SOS2: variants seen among roughly 807,000 people sequenced by gnomAD.
SOS2 encodes the protein son of sevenless homolog 2.
SOS2 carries 65 observed loss-of-function variants against 148.2 expected under a neutral mutation model. The ratio of observed to expected loss-of-function variants is 0.44; its 90% CI spans 0.36 to 0.54. The LOEUF (loss-of-function observed/expected upper bound fraction) is 0.54. Among genes scored for constraint, SOS2 ranks in the 20% least tolerant of loss-of-function variants. SOS2 has a pLI of 0.00. For synonymous variants in SOS2, 539 were observed against 537.1 expected (o/e 1.00, Z -0.05); for missense variants, 1,341 against 1,590.2 (o/e 0.84, Z 2.67).
intron 4 of SOS2, among the ~76,000 whole-genome samples, chr14:50,192,524 C>T (rs892931126): frequency 6.6e-6 from 1 of 152,040 alleles, no homozygotes; most frequent in Non-Finnish European, 1.5e-5. Flanking sequence ...CCACTACACT[C>T]CAGCCTGGGC....
intron 7 of SOS2, among the ~76,000 whole-genome samples, chr14:50,175,309 T>TGAC (rs1299641403): frequency 6.6e-6 from 1 of 151,866 alleles, no homozygotes; most frequent in African/African-American, 2.4e-5. Context: ...CAGATAGATA[T>TGAC]GACATAACAT....
chr14:50,185,710 A>G (rs1185019638), intron 5 of SOS2, among the ~76,000 whole-genome samples: 1 of 150,568 alleles, frequency 6.6e-6, no homozygotes, highest in African/African-American at 2.4e-5. Flanking sequence ...AAAAAAAAAG[A>G]TTAGAGAGGA....
rs150538510 is a variant in SOS2 at position 50,211,749 on chromosome 14, T to C, written c.88-7340A>G. 1.5e-3 allele frequency among the ~76,000 whole-genome samples: 229 copies of C among 152,226 alleles called. 1 individual carries two copies. The highest frequency in any genetic ancestry group is 5.0e-3 in the African/African-American group (209 of 41,546). On this transcript the variant is annotated intron_variant, in intron 1 of 22. Coordinates refer to ENST00000216373, the MANE Select transcript of SOS2 (RefSeq NM_006939.4). ...CTGGGATTACAGGCATGAGCCACCA[T>C]GCCCAGCCTAGGAGGGAAAATTTTA...
Position 50,130,731 on chromosome 14 carries a change from G to C in SOS2, c.3107C>G (p.Pro1036Arg), listed in dbSNP as rs1306516343. 1.2e-6 allele frequency: 2 copies of C among 1,606,032 alleles called. No homozygotes were observed. Among genetic ancestry groups the C allele is most frequent in the Non-Finnish European group, 1.7e-6 (2 of 1,176,908 alleles). Residue 1036 changes from proline (P) to arginine (R), a missense_variant, in exon 20 of 23, where the codon CCT becomes CGT. Pro to Arg is a moderately radical substitution (Grantham distance 103, BLOSUM62 -2). Coordinates refer to ENST00000216373, the MANE Select transcript of SOS2 (RefSeq NM_006939.4). ...PRKSTFSLKS[P>R]GIRPNTGRHG... ...TCGGCCTGTGTTAGGCCTTATTCCA[G>C]GAGATTTTAAGGAAAAAGTTGATTT...
intron 18 of SOS2, among the ~76,000 whole-genome samples, chr14:50,137,445 A>G (rs1167759339): frequency 6.6e-6 from 1 of 152,196 alleles, no homozygotes; most frequent in Non-Finnish European, 1.5e-5. Flanking sequence ...CTACTTTGTC[A>G]TTCACTTTTT....
At chr14:50,178,691 T>G (rs1376977015) in intron 7 of SOS2, among the ~76,000 whole-genome samples, 1 of 29,798 alleles carries the variant, frequency 3.4e-5, no homozygotes, top group African/African-American at 1.1e-4. Context: ...TATATATATA[T>G]ATATATATAT....
chr14:50,138,764 G>T lies in SOS2; in HGVS notation c.2806C>A (p.Leu936Met), dbSNP rs1594964980. The T allele has an allele frequency of 3.2e-6, 3 of 942,584 alleles. No individual in the cohort carries two copies. The highest frequency in any genetic ancestry group is 4.8e-6 in the Non-Finnish European group (3 of 630,424). 58.4% of individuals were successfully genotyped at this position (942,584 alleles called of 1,614,324 possible). A position where few individuals can be genotyped will look rare whatever the true frequency, so the allele number is the denominator to read the frequency against. ...PFFGIYLTNI[L>M]KTEEGNNDFL... The stretch of plus-strand genomic sequence containing the variant: ...TCATTATTCCCTTCTTCGGTCTTCA[G>T]AATATTTGTTAAATATATTCCTAGT... Residue 936 changes from leucine (L) to methionine (M), a missense_variant, in exon 18 of 23, where the codon CTG becomes ATG. Transcript: ENST00000216373.
intron 4 of SOS2, among the ~76,000 whole-genome samples, chr14:50,192,756 C>T (rs935793087): frequency 6.6e-6 from 1 of 151,850 alleles, no homozygotes; most frequent in African/African-American, 2.4e-5. Flanking sequence ...CCCAGCTACT[C>T]AGAAGGCTGA....
At chr14:50,126,128 A>G (rs1182375895) in intron 21 of SOS2, among the ~76,000 whole-genome samples, 4 of 152,208 alleles carry the variant, frequency 2.6e-5, no homozygotes, top group Non-Finnish European at 5.9e-5. Flanking sequence ...ATACTACTGG[A>G]CAAGAAAGGA....
chr14:50,185,132 G>A (rs1885865477), intron 5 of SOS2, among the ~76,000 whole-genome samples: 1 of 152,114 alleles, frequency 6.6e-6, no homozygotes, highest in African/African-American at 2.4e-5. Flanking sequence ...AACCCAAGGA[G>A]GGGGTCATGG....
intron 21 of SOS2, among the ~76,000 whole-genome samples, chr14:50,123,138 G>T (rs999772536): frequency 6.6e-6 from 1 of 152,172 alleles, no homozygotes; most frequent in African/African-American, 2.4e-5. Flanking sequence ...TAAGGTAACA[G>T]CCTGAAGGAG....
intron 4 of SOS2, among the ~76,000 whole-genome samples, chr14:50,189,103 G>GCACA (rs1291810011): frequency 4.2e-4 from 26 of 61,544 alleles, no homozygotes; most frequent in African/African-American, 1.3e-3. Context: ...ACACACACAC[G>GCACA]CACACACAAA....
chr14:50,119,554 CAG>C (rs1355164587), intron 22 of SOS2, among the ~76,000 whole-genome samples: 3 of 151,784 alleles, frequency 2.0e-5, no homozygotes, highest in South Asian at 2.1e-4. Flanking sequence ...GTTTTTGAGA[CAG>C]AGTCTTGCTC....
intron 1 of SOS2, among the ~76,000 whole-genome samples, chr14:50,205,374 A>G (rs1886626504): frequency 1.3e-5 from 2 of 152,152 alleles, no homozygotes; most frequent in South Asian, 4.1e-4. Context: ...TATGCCATGA[A>G]GTCAGAAGGA....
intron 7 of SOS2, among the ~76,000 whole-genome samples, chr14:50,179,154 T>C (rs1238299276): frequency 1.3e-5 from 2 of 152,188 alleles, no homozygotes; most frequent in South Asian, 2.1e-4. Context: ...AGGCAATTTA[T>C]ATCCTGATTA....
intron 8 of SOS2, among the ~76,000 whole-genome samples, chr14:50,164,574 T>C (rs543896933): frequency 5.9e-4 from 89 of 151,102 alleles, no homozygotes; most frequent in Admixed American, 1.9e-3. Context: ...GAGATTGCAG[T>C]AAGCCAAGAT....
chr14:50,178,744 A>ATATT (rs1555371335), intron 7 of SOS2, among the ~76,000 whole-genome samples: 2,968 of 140,374 alleles, frequency 0.021, 66 homozygotes, highest in Non-Finnish European at 0.034. Flanking sequence ...ATATATATAT[A>ATATT]TTTTTTGGAG....
intron 1 of SOS2, among the ~76,000 whole-genome samples, chr14:50,221,105 A>G (rs1887189349): frequency 6.6e-6 from 1 of 152,156 alleles, no homozygotes; most frequent in Non-Finnish European, 1.5e-5. Flanking sequence ...ATTAAAAGCC[A>G]TTTTCCCTTT....
Position 50,161,613 on chromosome 14 carries a change from AG to A in SOS2, c.1069-5del, listed in dbSNP as rs1369915774. The A allele has an allele frequency of 7.5e-6, 12 of 1,608,184 alleles. No homozygotes were observed. Among genetic ancestry groups the A allele is most frequent in the Non-Finnish European group, 9.3e-6 (11 of 1,178,162 alleles). ...CTTCACTACATGCTTTCAATTGCTA[AG>A]AAAAAACAGAAAGAAAAATCAAAAC... is the stretch of plus-strand genomic sequence containing the variant. On this transcript the variant is annotated splice_region_variant and splice_polypyrimidine_tract_variant and intron_variant, in intron 8 of 22. Coordinates refer to ENST00000216373, the MANE Select transcript of SOS2 (RefSeq NM_006939.4).
Sources: allele counts gnomAD v4.1 joint callset (sites outside exome capture counted in the v4.1 genomes callset), GRCh38; gene constraint gnomAD v4.1.1; transcripts MANE v1.5; gene names NCBI Gene and HGNC (gene_info 2026-07-23, HGNC 2026-07-21).